Variants in TRMT44 observed in about 807,000 individuals in gnomAD.
TRMT44 encodes tRNA methyltransferase 44 homolog, also known as probable tRNA (uracil-O(2)-)-methyltransferase.
In TRMT44, 78 loss-of-function variants were observed where a neutral mutation model predicts 77.3. The observed-to-expected ratio is 1.01, with a 90% CI of 0.84 to 1.22. The LOEUF (loss-of-function observed/expected upper bound fraction) is 1.22. TRMT44 is among the 50% of genes most tolerant of loss of function. The pLI is 0.00. For synonymous variants in TRMT44, 391 were observed against 383.3 expected (o/e 1.02, Z -0.23); for missense variants, 1,090 against 964.4 (o/e 1.13, Z -1.73).
chr4:8,490,580 GTTCA>G (rs1210394133), intron 2 of TRMT44, among the ~76,000 whole-genome samples: 1 of 151,962 alleles, frequency 6.6e-6, no homozygotes, highest in Non-Finnish European at 1.5e-5. Flanking sequence ...GTCTGGAGTT[GTTCA>G]TTCCTCCCCG....
the TRMT44 span, among the ~76,000 whole-genome samples, chr4:8,512,872 T>C: frequency 6.6e-6 from 1 of 152,216 alleles, no homozygotes; most frequent in East Asian, 1.9e-4. Context: ...AGATGTTCCA[T>C]TGTGTTTTTG....
intron 1 of TRMT44, among the ~76,000 whole-genome samples, chr4:8,441,649 G>T (rs549630437): frequency 6.6e-6 from 1 of 152,300 alleles, no homozygotes; most frequent in Admixed American, 6.5e-5. Flanking sequence ...TGTCTGGAAG[G>T]CTTCAAAGAG....
chr4:8,445,431 C>T (rs1205017773), intron 1 of TRMT44, among the ~76,000 whole-genome samples: 1 of 152,232 alleles, frequency 6.6e-6, no homozygotes, highest in Non-Finnish European at 1.5e-5. Flanking sequence ...GCCCTGTTAC[C>T]CTTTGATTTC....
chr4:8,458,022 A>C (rs536671866), intron 6 of TRMT44, among the ~76,000 whole-genome samples: 6 of 152,358 alleles, frequency 3.9e-5, no homozygotes, highest in Admixed American at 3.3e-4. Flanking sequence ...ACCCAGCGCC[A>C]GATGATGAGG....
chr4:8,458,962 G>T (rs1221962207), intron 6 of TRMT44, among the ~76,000 whole-genome samples: 1 of 151,798 alleles, frequency 6.6e-6, no homozygotes, highest in Non-Finnish European at 1.5e-5. Context: ...TCTTTGGGAG[G>T]CCAAGGCATG....
At chr4:8,489,054 C>G (rs1015895310) in intron 2 of TRMT44, among the ~76,000 whole-genome samples, 6 of 152,216 alleles carry the variant, frequency 3.9e-5, no homozygotes, top group African/African-American at 1.4e-4. Context: ...GTAGCACCAC[C>G]CACAAGTAAG....
the TRMT44 span, among the ~76,000 whole-genome samples, chr4:8,500,289 C>G: frequency 6.6e-6 from 1 of 152,034 alleles, no homozygotes; most frequent in South Asian, 2.1e-4. Flanking sequence ...GTCAGGAGTT[C>G]GAGACCAGCC....
At chr4:8,516,202 C>CT in the TRMT44 span, among the ~76,000 whole-genome samples, 1 of 152,212 alleles carries the variant, frequency 6.6e-6, no homozygotes, top group African/African-American at 2.4e-5. Flanking sequence ...CCATCTGCTG[C>CT]TATGGCCCCA....
At position 8,446,706 on chromosome 4, in the gene TRMT44, T is replaced by C; in HGVS notation, c.734+116T>C. Reference sequence around the variant, plus strand: ...GTCCTGTCTCTGAGGTGGTTATGGTTTGTAGGAATGCAGTTGCTAGCTTAT... The same window carrying C: ...GTCCTGTCTCTGAGGTGGTTATGGTCTGTAGGAATGCAGTTGCTAGCTTAT... On this transcript the variant is annotated intron_variant, in intron 2 of 10. Transcript: ENST00000389737. This position sits in a 1 kb window ranked among gnomAD's most constrained non-coding sequence, Gnocchi z 4.3. The C allele has an allele frequency of 3.0e-6, 2 of 666,798 alleles. No individual in the cohort carries two copies. Among genetic ancestry groups the C allele is most frequent in the Admixed American group, 6.2e-5 (2 of 32,006 alleles). 41.3% of individuals were successfully genotyped at this position (666,798 alleles called of 1,614,324 possible).
At chr4:8,467,690 A>C (rs1208785395) in intron 8 of TRMT44, among the ~76,000 whole-genome samples, 2 of 152,228 alleles carry the variant, frequency 1.3e-5, no homozygotes, top group East Asian at 3.8e-4. Context: ...CATGTTGGCC[A>C]GGCTGGTCTG....
chr4:8,512,739 A>C, the TRMT44 span: 1 of 152,134 alleles, frequency 6.6e-6, no homozygotes, highest in Non-Finnish European at 1.5e-5. Context: ...TGGGTTTTCA[A>C]ATGACAGCTG....
At chr4:8,472,026 CCT>C (rs1727038588) in intron 10 of TRMT44, among the ~76,000 whole-genome samples, 1 of 140,852 alleles carries the variant, frequency 7.1e-6, no homozygotes, top group African/African-American at 2.6e-5. Context: ...TTTTTTTTTT[CCT>C]CTTTCTGTAA....
chr4:8,499,657 C>T, the TRMT44 span, among the ~76,000 whole-genome samples: 1 of 151,738 alleles, frequency 6.6e-6, no homozygotes, highest in African/African-American at 2.4e-5. Flanking sequence ...AAAGATGAAA[C>T]CAACAATAAA....
chr4:8,444,955 C>T lies in TRMT44; in HGVS notation c.620-1521C>T, dbSNP rs1306576526. 1.3e-5 allele frequency among the ~76,000 whole-genome samples: 2 copies of T among 152,154 alleles called. No individual in the cohort carries two copies. Among genetic ancestry groups the T allele is most frequent in the Non-Finnish European group, 2.9e-5 (2 of 68,040 alleles). On this transcript the variant is annotated intron_variant, in intron 1 of 10. Transcript: ENST00000389737. The surrounding 1 kb of genome is among the most constrained non-coding windows in gnomAD (Gnocchi z 4.0). ...AGTGACAGCAGATTTGGGGTTGCCA[C>T]ACTGGGCAGGGAGGGAGAGGATGCT...
At chr4:8,458,758 A>C (rs1560229188) in intron 6 of TRMT44, among the ~76,000 whole-genome samples, 1 of 151,806 alleles carries the variant, frequency 6.6e-6, no homozygotes, top group Non-Finnish European at 1.5e-5. Context: ...GCCAGCCACG[A>C]TTTTCTTAAT....
At chr4:8,490,063 T>C (rs994007580) in intron 2 of TRMT44, among the ~76,000 whole-genome samples, 2 of 152,206 alleles carry the variant, frequency 1.3e-5, no homozygotes, top group African/African-American at 4.8e-5. Context: ...CCTGCTCCTG[T>C]GGCCCCCACA....
downstream of TRMT44, among the ~76,000 whole-genome samples, chr4:8,495,277 T>TA (rs2109241539): frequency 6.9e-6 from 1 of 144,618 alleles, no homozygotes; most frequent in South Asian, 2.3e-4. Context: ...CCTGATGCCA[T>TA]AGAGGAGAAA....
At chr4:8,483,682 C>G (rs368619260) in intron 2 of TRMT44, among the ~76,000 whole-genome samples, 2 of 152,132 alleles carry the variant, frequency 1.3e-5, no homozygotes, top group African/African-American at 4.8e-5. Context: ...AAAGGTTTCA[C>G]TGAATACTAA....
Position 8,465,358 on chromosome 4 carries a change from G to A in TRMT44, c.1311-20G>A, listed in dbSNP as rs1356546303. On this transcript the variant is annotated intron_variant, in intron 7 of 10. Coordinates refer to ENST00000389737, the MANE Select transcript of TRMT44 (RefSeq NM_152544.3). ...TCTGCTCAGGATGCTTGACCCTGTG[G>A]TTGTTGGTTCTTTTTGAAGGTCTTC... 1.3e-6 allele frequency: 2 copies of A among 1,598,960 alleles called. No homozygotes were observed. Among genetic ancestry groups the A allele is most frequent in the Non-Finnish European group, 1.7e-6 (2 of 1,172,568 alleles).
Sources: gnomAD v4.1 joint callset for allele counts (sites outside exome capture counted in the v4.1 genomes callset) on GRCh38, gnomAD v4.1.1 for gene constraint, Gnocchi (gnomAD v3.1) non-coding constraint, MANE v1.5 for transcripts, NCBI Gene and HGNC (gene_info 2026-07-23, HGNC 2026-07-21) for gene names.